The following MYO5C variants were observed in gnomAD, a reference collection of about 807,000 sequenced individuals.
MYO5C encodes the protein myosin VC, also known as unconventional myosin-Vc.
In MYO5C, 194 loss-of-function variants were observed where a neutral mutation model predicts 235.7. The observed-to-expected ratio is 0.82, with a 90% CI of 0.73 to 0.93. The LOEUF is 0.93. MYO5C is among the 40% of genes least tolerant of loss of function. The probability of loss-of-function intolerance (pLI) is 0.00; values close to 1 mark genes in which losing one functional copy is unlikely to be tolerated. For synonymous variants in MYO5C, 707 were observed against 754.8 expected (o/e 0.94, Z 1.04); for missense variants, 2,038 against 2,127.2 (o/e 0.96, Z 0.82).
At chr15:52,244,866 T>A (rs574781583) in intron 18 of MYO5C, among the ~76,000 whole-genome samples, 1 of 152,344 alleles carries the variant, frequency 6.6e-6, no homozygotes, top group African/African-American at 2.4e-5. Context: ...TCTCTCGTGG[T>A]CTCCACATTG....
At chr15:52,239,491 G>A (rs1259972664) in intron 21 of MYO5C, among the ~76,000 whole-genome samples, 1 of 152,262 alleles carries the variant, frequency 6.6e-6, no homozygotes, top group African/African-American at 2.4e-5. Flanking sequence ...AGCGGAGCCA[G>A]GCTGGATCTC....
At chr15:52,289,496 C>T (rs1438729117) in intron 1 of MYO5C, among the ~76,000 whole-genome samples, 1 of 152,194 alleles carries the variant, frequency 6.6e-6, no homozygotes, top group Non-Finnish European at 1.5e-5. Context: ...TCTGTGTCTC[C>T]ACCCCAACAG....
intron 3 of MYO5C, among the ~76,000 whole-genome samples, 180 bp downstream of exon 3, chr15:52,279,329 G>C (rs150134313): frequency 1.3e-5 from 2 of 152,242 alleles, no homozygotes; most frequent in African/African-American, 2.4e-5. Flanking sequence ...CACGAGCTTT[G>C]TTACATCTCT....
intron 8 of MYO5C, among the ~76,000 whole-genome samples, chr15:52,269,421 C>CTT (rs1407057734): frequency 2.8e-5 from 3 of 108,292 alleles, no homozygotes; most frequent in African/African-American, 1.0e-4. Context: ...AAGAGAGAGT[C>CTT]TTGATCTGTT....
At chr15:52,260,009 C>T (rs2036659284) in intron 10 of MYO5C, among the ~76,000 whole-genome samples, 1 of 152,236 alleles carries the variant, frequency 6.6e-6, no homozygotes, top group African/African-American at 2.4e-5. Context: ...TCTTCCCCTT[C>T]TCCTGTTAAG....
chr15:52,253,528 G>A lies in MYO5C; in HGVS notation c.1396-71C>T, dbSNP rs533141261. ...TACGTTTCCAAAGAGCAGGATGTAAGCATTTGGAAAATGTAAATGGTTGAT... is the reference window on the plus strand; with the variant it reads ...TACGTTTCCAAAGAGCAGGATGTAAACATTTGGAAAATGTAAATGGTTGAT... On this transcript the variant is annotated intron_variant, in intron 11 of 40. Transcript: ENST00000261839. 5.7e-6 allele frequency: 8 copies of A among 1,400,028 alleles called. No individual in the cohort carries two copies. In the African/African-American group the frequency reaches 1.2e-4, roughly 20 times the overall value. The allele number at this position is 1,400,028 out of a possible 1,614,324, so 86.7% of individuals were successfully genotyped here. A position where few individuals can be genotyped will look rare whatever the true frequency, so the allele number is the denominator to read the frequency against.
intron 8 of MYO5C, among the ~76,000 whole-genome samples, chr15:52,268,530 G>A (rs565434158): frequency 5.5e-4 from 84 of 151,798 alleles, no homozygotes; most frequent in Non-Finnish European, 9.6e-4. Flanking sequence ...CCAGCCTGGC[G>A]ACAGTGTAAG....
chr15:52,286,386 C>T (rs2037272925), intron 1 of MYO5C, among the ~76,000 whole-genome samples: 2 of 151,986 alleles, frequency 1.3e-5, no homozygotes, highest in Admixed American at 1.3e-4. Context: ...CCCGGCCGCC[C>T]CTACTGGGAA....
intron 1 of MYO5C, among the ~76,000 whole-genome samples, chr15:52,293,629 C>T (rs899892390): frequency 6.6e-6 from 1 of 152,170 alleles, no homozygotes; most frequent in African/African-American, 2.4e-5. Context: ...TGGCTGGTCC[C>T]TTCAACCCCC....
intron 11 of MYO5C, 139 bp from the exon 12 acceptor site, chr15:52,253,596 C>T: frequency 2.5e-6 from 2 of 801,796 alleles, no homozygotes; most frequent in Non-Finnish European, 2.0e-6. Context: ...GAAGTATAGA[C>T]AAGGCCCATA....
intron 5 of MYO5C, among the ~76,000 whole-genome samples, chr15:52,274,568 G>C (rs928122770): frequency 5.9e-5 from 9 of 152,024 alleles, no homozygotes; most frequent in Non-Finnish European, 1.2e-4. Context: ...GTGAGCCACC[G>C]CACCCAGCCT....
intron 13 of MYO5C, among the ~76,000 whole-genome samples, chr15:52,249,123 G>A (rs2036417024): frequency 1.3e-5 from 2 of 152,156 alleles, no homozygotes; most frequent in African/African-American, 4.8e-5. Flanking sequence ...AAGCCACCAG[G>A]AGGAGGAAAA....
intron 7 of MYO5C, among the ~76,000 whole-genome samples, chr15:52,270,293 C>CA (rs1420491068): frequency 1.3e-5 from 2 of 151,938 alleles, no homozygotes; most frequent in Non-Finnish European, 1.5e-5. Context: ...AACAAAACAA[C>CA]AACAAAAAAA....
At position 52,199,136 on chromosome 15, in the gene MYO5C, G is replaced by A. The variant is rs368886051; in HGVS notation, c.4821-2653C>T. 1.4e-4 allele frequency among the ~76,000 whole-genome samples: 21 copies of A among 151,716 alleles called. No individual in the cohort carries two copies. In the East Asian group the frequency reaches 3.3e-3, roughly 24 times the overall value. On this transcript the variant is annotated intron_variant, in intron 38 of 40. Coordinates refer to ENST00000261839, the MANE Select transcript of MYO5C (RefSeq NM_018728.4). Reference sequence around the variant, plus strand: ...TCTCGATCTCCTGACCTCGTGATCCGCCCACCTCGGCCTCCCAAAGTGCTG... The same window carrying A: ...TCTCGATCTCCTGACCTCGTGATCCACCCACCTCGGCCTCCCAAAGTGCTG...
intron 1 of MYO5C, among the ~76,000 whole-genome samples, chr15:52,293,603 C>A (rs1337945662): frequency 6.6e-6 from 1 of 152,128 alleles, no homozygotes; most frequent in Non-Finnish European, 1.5e-5. Flanking sequence ...CAGACTCTAA[C>A]CTCAAATGTC....
chr15:52,269,606 T>C lies in MYO5C; in HGVS notation c.940+147A>G, dbSNP rs1302157854. ...ACAGGTTTCACCATGTTGGCCAGAA[T>C]GGTCTCAATCTCCTGACCTTGTGAT... is the stretch of plus-strand genomic sequence containing the variant. On this transcript the variant is annotated intron_variant, in intron 8 of 40. Coordinates refer to ENST00000261839, the MANE Select transcript of MYO5C (RefSeq NM_018728.4). 2.8e-5 allele frequency: 16 copies of C among 577,658 alleles called. No individual in the cohort carries two copies. The South Asian group carries it at 3.4e-4, about 12-fold the overall frequency. The allele number at this position is 577,658 out of a possible 1,614,324, so 35.8% of individuals were successfully genotyped here. A position where few individuals can be genotyped will look rare whatever the true frequency, so the allele number is the denominator to read the frequency against.
Position 52,246,116 on chromosome 15 carries a change from C to A in MYO5C, c.1980-74G>T, listed in dbSNP as rs1189114315. The A allele has an allele frequency of 5.1e-6, 6 of 1,176,732 alleles. No homozygotes were observed. The African/African-American group carries it at 6.1e-5, about 12-fold the overall frequency. 72.9% of individuals were successfully genotyped at this position (1,176,732 alleles called of 1,614,324 possible). A position where few individuals can be genotyped will look rare whatever the true frequency, so the allele number is the denominator to read the frequency against. ...CATGCCCATAAACAGGCACAGCAGA[C>A]CTGGCTAGACTGTGACCCTATGCCA... On this transcript the variant is annotated intron_variant, in intron 16 of 40. Coordinates refer to ENST00000261839, the MANE Select transcript of MYO5C (RefSeq NM_018728.4).
intron 5 of MYO5C, among the ~76,000 whole-genome samples, chr15:52,274,812 T>C (rs1371206683): frequency 6.6e-6 from 1 of 152,246 alleles, no homozygotes; most frequent in African/African-American, 2.4e-5. Context: ...GAGTAGATTG[T>C]CTGATAAATA....
intron 8 of MYO5C, among the ~76,000 whole-genome samples, chr15:52,266,298 G>A (rs1211009800): frequency 6.6e-6 from 1 of 152,190 alleles, no homozygotes; most frequent in Admixed American, 6.5e-5. Flanking sequence ...TAGAGCCTGA[G>A]GTCCCAGGGA....
Sources: allele counts gnomAD v4.1 joint callset (sites outside exome capture counted in the v4.1 genomes callset), GRCh38; gene constraint gnomAD v4.1.1; transcripts MANE v1.5; gene names NCBI Gene and HGNC (gene_info 2026-07-23, HGNC 2026-07-21).